Variants in SFI1 observed in about 807,000 individuals in gnomAD.
The protein encoded by SFI1 is protein SFI1 homolog.
In SFI1, 195 loss-of-function variants were observed where a neutral mutation model predicts 207.5. That is an observed-to-expected ratio of 0.94 (90% confidence interval 0.84 to 1.06). The LOEUF (loss-of-function observed/expected upper bound fraction) is 1.06, where lower values mean the gene tolerates loss of function less well. Among genes scored for constraint, SFI1 ranks in the 50% least tolerant of loss-of-function variants. The pLI is 0.00. For synonymous variants in SFI1, 630 were observed against 598.9 expected (o/e 1.05, Z -0.76); for missense variants, 1,634 against 1,588.0 (o/e 1.03, Z -0.49).
chr22:31,581,956 A>G (rs1164212380), intron 12 of SFI1, among the ~76,000 whole-genome samples: 1 of 151,734 alleles, frequency 6.6e-6, no homozygotes, highest in Non-Finnish European at 1.5e-5. Context: ...CGACAATGTC[A>G]TTATCATCCC....
At chr22:31,533,727 G>T (rs1383297751) in intron 4 of SFI1, among the ~76,000 whole-genome samples, 1 of 152,166 alleles carries the variant, frequency 6.6e-6, no homozygotes, top group Non-Finnish European at 1.5e-5. Flanking sequence ...TCTTGGGCAT[G>T]TCATCCTTCA....
At chr22:31,584,063 T>G in intron 13 of SFI1, 91 bp downstream of exon 13, 1 of 1,062,912 alleles carries the variant, frequency 9.4e-7, no homozygotes, top group Non-Finnish European at 1.4e-6. Context: ...TTCTATGCGT[T>G]AGTGTGGCAG....
At chr22:31,501,521 T>C (rs1035685627) in intron 1 of SFI1, among the ~76,000 whole-genome samples, 2 of 152,130 alleles carry the variant, frequency 1.3e-5, no homozygotes. Context: ...TGACTGGCTT[T>C]ATTTATGTGG....
rs150699424 is a variant in SFI1, at chr22:31,613,342, C to T, written c.2566-12C>T. ...AGGGAGACCTGGGCCTCACCTCCTG[C>T]CCTCCCTGGAGGTGTGGGCCACGTG... On this transcript the variant is annotated splice_polypyrimidine_tract_variant and intron_variant, in intron 25 of 32. Coordinates refer to ENST00000400288, the MANE Select transcript of SFI1 (RefSeq NM_001007467.3). 2,303 of 1,603,836 alleles carry T rather than the reference C, an allele frequency of 1.4e-3. 21 individuals are homozygous for T. In the African/African-American group the frequency reaches 0.018, roughly 12 times the overall value.
Position 31,592,967 on chromosome 22 carries a change from G to A in SFI1, c.1544+3390G>A, listed in dbSNP as rs1250033269. 3.3e-5 allele frequency among the ~76,000 whole-genome samples: 4 copies of A among 120,310 alleles called. No individual in the cohort carries two copies. The East Asian group carries it at 7.8e-4, about 24-fold the overall frequency. 78.9% of individuals were successfully genotyped at this position (120,310 alleles called of 152,430 possible). The stretch of plus-strand genomic sequence containing the variant: ...GCGCCCCTCACCTCCCGGACGGGGC[G>A]GCTGGCCGGGCGGGGGGCTGACCCC... On this transcript the variant is annotated intron_variant, in intron 15 of 32. Coordinates refer to ENST00000400288, the MANE Select transcript of SFI1 (RefSeq NM_001007467.3).
At chr22:31,561,091 A>G (rs5998045) in intron 7 of SFI1, among the ~76,000 whole-genome samples, 199 bp from the exon 8 acceptor site, 15,110 of 152,190 alleles carry the variant, frequency 0.099, 875 homozygotes, top group Admixed American at 0.16. Flanking sequence ...AGGAACCATA[A>G]GTTTCCAACC....
At chr22:31,568,222 A>ATTT (rs1216435055) in intron 8 of SFI1, among the ~76,000 whole-genome samples, 9 of 128,238 alleles carry the variant, frequency 7.0e-5, no homozygotes, top group African/African-American at 2.8e-4. Flanking sequence ...ATATATATAT[A>ATTT]TATATTTTTT....
Position 31,615,284 on chromosome 22 carries a change from GTCC to G in SFI1, c.3300+9_3300+11del, listed in dbSNP as rs1466372771. 20 of 1,482,758 alleles carry G rather than the reference GTCC, an allele frequency of 1.3e-5. No individual in the cohort carries two copies. Among genetic ancestry groups the G allele is most frequent in the South Asian group, 1.1e-4 (8 of 72,096 alleles). The allele number at this position is 1,482,758 out of a possible 1,614,324, so 91.9% of individuals were successfully genotyped here. A position where few individuals can be genotyped will look rare whatever the true frequency, so the allele number is the denominator to read the frequency against. ...GGGGCGGCTGCACCAGCCAGGGTACGTCCTCCACCACCAGGCCTGGGCACTGGG... is the reference window on the plus strand; with the variant it reads ...GGGGCGGCTGCACCAGCCAGGGTACGTCCACCACCAGGCCTGGGCACTGGG... On this transcript the variant is annotated splice_donor_region_variant and intron_variant, in intron 29 of 32. Transcript: ENST00000400288.
intron 6 of SFI1, among the ~76,000 whole-genome samples, chr22:31,553,192 G>T (rs946822482): frequency 6.6e-6 from 1 of 152,102 alleles, no homozygotes. Context: ...ATATCTCATT[G>T]TGGTTTTAGT....
intron 30 of SFI1, 28 bp downstream of exon 30, chr22:31,616,905 A>T: frequency 6.2e-7 from 1 of 1,610,354 alleles, no homozygotes; most frequent in Non-Finnish European, 8.5e-7. Context: ...GTCAGGGCAG[A>T]AAGCACTCAG....
At chr22:31,534,915 C>T (rs780324366) in intron 4 of SFI1, among the ~76,000 whole-genome samples, 1 of 151,608 alleles carries the variant, frequency 6.6e-6, no homozygotes, top group Admixed American at 6.6e-5. Context: ...ACCCTGTTGC[C>T]CAGGCTGGAG....
intron 5 of SFI1, among the ~76,000 whole-genome samples, chr22:31,547,995 A>G (rs2060253230): frequency 6.6e-6 from 1 of 151,202 alleles, no homozygotes; most frequent in Non-Finnish European, 1.5e-5. Flanking sequence ...TGGGCGGATC[A>G]CGAGGTCAGG....
chr22:31,599,041 C>G (rs2067675768), intron 15 of SFI1, among the ~76,000 whole-genome samples: 1 of 151,532 alleles, frequency 6.6e-6, no homozygotes, highest in Non-Finnish European at 1.5e-5. Flanking sequence ...ATCCGCCCGC[C>G]TCGGCCTCCC....
At chr22:31,544,820 T>G (rs1039957957) in intron 4 of SFI1, among the ~76,000 whole-genome samples, 2 of 152,160 alleles carry the variant, frequency 1.3e-5, no homozygotes, top group Middle Eastern at 3.2e-3. Flanking sequence ...ATTAAAAAAT[T>G]TTTAACCTCA....
chr22:31,593,220 G>A (rs1226330230), intron 15 of SFI1, among the ~76,000 whole-genome samples: 6 of 150,390 alleles, frequency 4.0e-5, no homozygotes, highest in African/African-American at 1.5e-4. Flanking sequence ...CCGGGCGGAG[G>A]GGCTCCTCAC....
intron 10 of SFI1, among the ~76,000 whole-genome samples, chr22:31,576,396 C>T (rs987678797): frequency 3.3e-5 from 5 of 151,940 alleles, no homozygotes; most frequent in Admixed American, 2.0e-4. Context: ...TCTCAGCTTA[C>T]CGCAACCTCT....
At chr22:31,578,503 A>G (rs1323150556) in intron 11 of SFI1, 51 bp downstream of exon 11, 1 of 1,571,464 alleles carries the variant, frequency 6.4e-7, no homozygotes, top group Non-Finnish European at 8.7e-7. Flanking sequence ...TTGCTTGGGT[A>G]TCCACTCTTG....
chr22:31,575,133 C>T, intron 9 of SFI1, 98 bp from the exon 10 acceptor site: 1 of 1,049,708 alleles, frequency 9.5e-7, no homozygotes, highest in Non-Finnish European at 1.3e-6. Context: ...GCCTTGAACC[C>T]CTGCTCTCTG....
intron 18 of SFI1, 53 bp from the exon 19 acceptor site, chr22:31,604,256 C>G: frequency 2.8e-6 from 4 of 1,434,544 alleles, no homozygotes; most frequent in Non-Finnish European, 3.8e-6. Flanking sequence ...AGCAGGAAGC[C>G]ACCCCCAACT....
Sources: allele counts gnomAD v4.1 joint callset (sites outside exome capture counted in the v4.1 genomes callset), GRCh38; gene constraint gnomAD v4.1.1; transcripts MANE v1.5; gene names NCBI Gene and HGNC (gene_info 2026-07-23, HGNC 2026-07-21).